Variants in KMT2C observed in about 807,000 individuals in gnomAD.
The protein encoded by KMT2C is lysine methyltransferase 2C, also known as histone-lysine N-methyltransferase 2C.
KMT2C carries 88 observed loss-of-function variants against 507.9 expected under a neutral mutation model. The ratio of observed to expected loss-of-function variants is 0.17; its 90% CI spans 0.15 to 0.21. The LOEUF (loss-of-function observed/expected upper bound fraction) is 0.21. KMT2C is among the 10% of genes least tolerant of loss of function. The pLI is 1.00. For synonymous variants in KMT2C, 2,049 were observed against 2,080.8 expected, an observed-to-expected ratio of 0.98 and a Z score of 0.42; for missense variants, 4,954 against 5,957.8, an observed-to-expected ratio of 0.83 and a Z score of 5.55.
chr7:152,246,437 C>T (rs1010237505), intron 14 of KMT2C, among the ~76,000 whole-genome samples: 2 of 152,000 alleles, frequency 1.3e-5, no homozygotes, highest in African/African-American at 4.8e-5. Context: ...TGGAAATACA[C>T]CCCCCTCCCC....
chr7:152,345,602 G>A (rs2097050745), intron 2 of KMT2C, among the ~76,000 whole-genome samples: 1 of 152,140 alleles, frequency 6.6e-6, no homozygotes, highest in African/African-American at 2.4e-5. Flanking sequence ...TCAGCTCACT[G>A]CAACCTCCAC....
intron 2 of KMT2C, among the ~76,000 whole-genome samples, chr7:152,348,599 T>TAAAAAAAAAAAAA (rs201530125): frequency 2.2e-4 from 11 of 48,996 alleles, no homozygotes; most frequent in Non-Finnish European, 3.1e-4. Context: ...AACTCTGTCT[T>TAAAAAAAAAAAAA]AAAAAAAAAA....
At chr7:152,302,639 T>TTTCA (rs1243232134) in intron 6 of KMT2C, among the ~76,000 whole-genome samples, 3 of 152,082 alleles carry the variant, frequency 2.0e-5, no homozygotes, top group South Asian at 2.1e-4. Flanking sequence ...CCTTTCCTTC[T>TTTCA]TTCATTCATT....
intron 2 of KMT2C, among the ~76,000 whole-genome samples, chr7:152,354,527 A>T (rs759594104): frequency 6.6e-6 from 1 of 152,220 alleles, no homozygotes; most frequent in Non-Finnish European, 1.5e-5. Context: ...GTTACGTACT[A>T]GGAGAAAAAT....
chr7:152,312,347 T>A (rs748076997), intron 4 of KMT2C: 1 of 153,844 alleles, frequency 6.5e-6, no homozygotes, highest in Admixed American at 6.5e-5. Context: ...ATGTTTAGTC[T>A]GCTGTATCTT....
intron 14 of KMT2C, among the ~76,000 whole-genome samples, chr7:152,242,152 C>T (rs1369197945): frequency 6.6e-6 from 1 of 152,118 alleles, no homozygotes; most frequent in Non-Finnish European, 1.5e-5. Context: ...ATGGGCTCTT[C>T]CCCTACAATC....
At chr7:152,387,200 AAAT>A (rs2097436852) in intron 1 of KMT2C, among the ~76,000 whole-genome samples, 2 of 152,022 alleles carry the variant, frequency 1.3e-5, no homozygotes, top group South Asian at 4.1e-4. Flanking sequence ...CTTTTTAATT[AAAT>A]ATTAAAATTA....
chr7:152,248,572 T>A lies in KMT2C; in HGVS notation c.1862A>T (p.Asn621Ile), dbSNP rs1252102872. The A allele has an allele frequency of 6.2e-7, 1 of 1,613,586 alleles. No individual in the cohort carries two copies. Among genetic ancestry groups the A allele is most frequent in the African/African-American group, 1.3e-5 (1 of 75,022 alleles). The change falls in exon 14 of 59, where the codon AAT becomes ATT. Residue 621 changes from asparagine (N) to isoleucine (I), a missense_variant. This residue lies in a region of KMT2C where 376 missense variants were observed against 352.4 expected (regional missense o/e 1.07). Transcript: ENST00000262189. ...TTTCAGGTCTTCACTATCAACTTCA[T>A]TAGAAATCTGTTTTTCCAATTCAGT... ...VNTELEKQISNEVDSEDLKMS... is the reference protein window; with the variant it reads ...VNTELEKQISIEVDSEDLKMS...
intron 42 of KMT2C, among the ~76,000 whole-genome samples, chr7:152,164,447 G>A (rs1222044394): frequency 1.3e-5 from 2 of 151,710 alleles, no homozygotes; most frequent in African/African-American, 4.8e-5. Flanking sequence ...CCGCTACCAC[G>A]CCCGGCTAAT....
At chr7:152,309,777 TC>T (rs2096654287) in intron 6 of KMT2C, among the ~76,000 whole-genome samples, 188 bp downstream of exon 6, 1 of 152,096 alleles carries the variant, frequency 6.6e-6, no homozygotes, top group Admixed American at 6.6e-5. Flanking sequence ...CACCTCGGCC[TC>T]CCAAAGTGCT....
chr7:152,309,472 C>T (rs140501523), intron 6 of KMT2C, among the ~76,000 whole-genome samples: 7 of 148,664 alleles, frequency 4.7e-5, no homozygotes, highest in African/African-American at 1.7e-4. Flanking sequence ...TACACATGTG[C>T]ACCAGCATGC....
intron 1 of KMT2C, among the ~76,000 whole-genome samples, chr7:152,409,734 A>ATAT (rs2097661882): frequency 1.3e-5 from 2 of 149,042 alleles, no homozygotes; most frequent in African/African-American, 2.5e-5. Flanking sequence ...CCGTCTCAAA[A>ATAT]AAAATAAAAT....
chr7:152,158,989 T>C lies in KMT2C; in HGVS notation c.11544A>G (p.Lys3848=). The C allele has an allele frequency of 6.2e-7, 1 of 1,614,224 alleles. No individual in the cohort carries two copies. Among genetic ancestry groups the C allele is most frequent in the Non-Finnish European group, 8.5e-7 (1 of 1,180,040 alleles). ...PKTDGGSETK[K]QRSKRTQRTG... Reference sequence around the variant, plus strand: ...TCCTCTGAGTCCGTTTGCTTCGCTGTTTCTTGGTTTCACTTCCTCCATCTG... The same window carrying C: ...TCCTCTGAGTCCGTTTGCTTCGCTGCTTCTTGGTTTCACTTCCTCCATCTG... The change falls in exon 44 of 59, where the codon AAA becomes AAG. Residue 3848 remains lysine, a synonymous_variant. Transcript: ENST00000262189.
chr7:152,310,035 T>C lies in KMT2C; in HGVS notation c.780A>G (p.Leu260=). ...ATGGTTCTTCCATCTGGCATACTCC[T>C]AGTGACCACTCCACACAACGGTGAT... is the stretch of plus-strand genomic sequence containing the variant. The part of the protein sequence containing the change: ...WAHHRCVEWS[L]GVCQMEEPLL... Residue 260 remains leucine (L), a synonymous_variant, in exon 6 of 59, where the codon CTA becomes CTG. Coordinates refer to ENST00000262189, the MANE Select transcript of KMT2C (RefSeq NM_170606.3). 1.2e-6 allele frequency: 2 copies of C among 1,613,920 alleles called. No homozygotes were observed. The highest frequency in any genetic ancestry group is 1.7e-6 in the Non-Finnish European group (2 of 1,179,876).
Position 152,380,196 on chromosome 7 carries a change from C to T in KMT2C, c.162-21521G>A, listed in dbSNP as rs560850605. 1.3e-4 allele frequency among the ~76,000 whole-genome samples: 20 copies of T among 151,792 alleles called. No individual in the cohort carries two copies. In the South Asian group the frequency reaches 4.2e-3, roughly 32 times the overall value. On this transcript the variant is annotated intron_variant, in intron 1 of 58. Transcript: ENST00000262189. ...GCAGTGAGCTGAGATCACACCACTA[C>T]ACTACTTCACTCCAGGATGGGCAAC...
At chr7:152,315,100 C>T (rs1688297587) in intron 4 of KMT2C, 38 bp downstream of exon 4, 2 of 1,502,968 alleles carry the variant, frequency 1.3e-6, no homozygotes, top group Admixed American at 1.7e-5. Context: ...TATATGCAGT[C>T]TTAATCTATT....
At chr7:152,338,639 G>A (rs943472103) in intron 2 of KMT2C, among the ~76,000 whole-genome samples, 8 of 152,078 alleles carry the variant, frequency 5.3e-5, no homozygotes, top group Non-Finnish European at 1.2e-4. Context: ...AAAAGATAAG[G>A]AAACTAAAAT....
In KMT2C at chr7:152,193,943, GTA is replaced by G; in HGVS notation, c.4660+64_4660+65del. 5.8e-6 allele frequency: 8 copies of G among 1,371,666 alleles called. No homozygotes were observed. In the South Asian group the frequency reaches 1.5e-4, roughly 26 times the overall value. 85.0% of individuals were successfully genotyped at this position (1,371,666 alleles called of 1,614,324 possible). A position where few individuals can be genotyped will look rare whatever the true frequency, so the allele number is the denominator to read the frequency against. ...AATAGGGCAAAACTTGCTTGTGTGTGTATATGTACCCACATATATACACATGT... is the reference window on the plus strand; with the variant it reads ...AATAGGGCAAAACTTGCTTGTGTGTGTATGTACCCACATATATACACATGT... On this transcript the variant is annotated intron_variant, in intron 31 of 58. Coordinates refer to ENST00000262189, the MANE Select transcript of KMT2C (RefSeq NM_170606.3).
chr7:152,307,939 T>C (rs546366825), intron 6 of KMT2C, among the ~76,000 whole-genome samples: 77 of 152,324 alleles, frequency 5.1e-4, no homozygotes, highest in African/African-American at 1.7e-3. Context: ...CCTGTAATAC[T>C]TTTCACTGTC....
Sources: allele counts gnomAD v4.1 joint callset (sites outside exome capture counted in the v4.1 genomes callset), GRCh38; gene constraint gnomAD v4.1.1; regional missense constraint gnomAD v4.1.1; transcripts MANE v1.5; gene names NCBI Gene and HGNC (gene_info 2026-07-23, HGNC 2026-07-21).